TLL1: variants seen among roughly 807,000 people sequenced by gnomAD.
The protein encoded by TLL1 is tolloid-like protein 1.
In TLL1, 49 loss-of-function variants were observed where a neutral mutation model predicts 128.2. That is an observed-to-expected ratio of 0.38 (90% CI 0.30 to 0.48). TLL1 has a LOEUF of 0.48. Ranked by LOEUF, TLL1 falls within the 20% of genes least tolerant of loss-of-function variation. TLL1 has a pLI of 0.96. For synonymous variants in TLL1, 454 were observed against 418.8 expected (o/e 1.08, Z -1.03); for missense variants, 1,123 against 1,242.0 (o/e 0.90, Z 1.44).
chr4:165,889,246 T>C (rs1249515904), intron 1 of TLL1, among the ~76,000 whole-genome samples: 1 of 152,200 alleles, frequency 6.6e-6, no homozygotes, highest in Non-Finnish European at 1.5e-5. Context: ...AACTCATTTA[T>C]CGTTATATAT....
At chr4:166,016,252 G>A (rs1242113342) in intron 8 of TLL1, among the ~76,000 whole-genome samples, 1 of 151,956 alleles carries the variant, frequency 6.6e-6, no homozygotes, top group African/African-American at 2.4e-5. Context: ...TATGAAAAAA[G>A]ATATGGGTGA....
chr4:166,076,933 C>G (rs1231568566), intron 17 of TLL1, among the ~76,000 whole-genome samples: 2 of 152,176 alleles, frequency 1.3e-5, no homozygotes, highest in Admixed American at 1.3e-4. Context: ...AGCAGGTGCA[C>G]TAACTAATGT....
At chr4:165,915,667 G>T (rs1364602513) in intron 1 of TLL1, among the ~76,000 whole-genome samples, 2 of 152,118 alleles carry the variant, frequency 1.3e-5, no homozygotes, top group Non-Finnish European at 2.9e-5. Context: ...TTCCCTGGAG[G>T]GGCTTTGTTT....
In TLL1 at chr4:165,931,718, C is replaced by CAAAAAAAAAAAA. The variant is rs761214388; in HGVS notation, c.169+57649_169+57650insAAAAAAAAAAAA. On this transcript the variant is annotated intron_variant, in intron 1 of 20. Transcript: ENST00000061240. ...TGGGCGACAGAGTAAGACTCTGTCTCAAAAGAAAAAAAAAAGAAATTGCAA... is the reference window on the plus strand; with the variant it reads ...TGGGCGACAGAGTAAGACTCTGTCTCAAAAAAAAAAAAAAAAGAAAAAAAAAAGAAATTGCAA... Among the ~76,000 whole-genome samples, 17 of 133,480 alleles carry CAAAAAAAAAAAA rather than the reference C, an allele frequency of 1.3e-4. 2 individuals carry two copies. The highest frequency in any genetic ancestry group is 1.7e-4 in the African/African-American group (6 of 35,696). 87.6% of individuals were successfully genotyped at this position (133,480 alleles called of 152,430 possible). A position where few individuals can be genotyped will look rare whatever the true frequency, so the allele number is the denominator to read the frequency against.
At chr4:165,879,002 G>A (rs1730857316) in intron 1 of TLL1, among the ~76,000 whole-genome samples, 2 of 126,110 alleles carry the variant, frequency 1.6e-5, no homozygotes, top group African/African-American at 5.9e-5. Flanking sequence ...GCACAATCTT[G>A]GCTCACAGCC....
chr4:166,038,365 A>G (rs1739093653), intron 9 of TLL1, among the ~76,000 whole-genome samples: 1 of 152,066 alleles, frequency 6.6e-6, no homozygotes, highest in Non-Finnish European at 1.5e-5. Flanking sequence ...CATTTGGAAT[A>G]CTCAACATTT....
chr4:166,077,820 C>A, intron 17 of TLL1, 83 bp from the exon 18 acceptor site: 1 of 1,588,256 alleles, frequency 6.3e-7, no homozygotes, highest in Non-Finnish European at 8.6e-7. Context: ...TTCAACAGGG[C>A]AGTGGGTAAA....
rs1264740915 is a variant in TLL1, at chr4:166,060,070, C to A, written c.1889C>A (p.Thr630Asn). The A allele has an allele frequency of 2.5e-6, 4 of 1,613,616 alleles. No homozygotes were observed. The highest frequency in any genetic ancestry group is 1.7e-5 in the Admixed American group (1 of 59,944). ...CTTACCAAACTTAACGGCACCATAA[C>A]CACCCCTGGCTGGCCCAAGGAGTAC... ...GLLTKLNGTI[T>N]TPGWPKEYPP... is the part of the protein sequence containing the mutation. Residue 630 changes from threonine (T) to asparagine (N), a missense_variant, in exon 15 of 21, where the codon ACC becomes AAC. Transcript: ENST00000061240.
chr4:165,915,862 C>T (rs1198176644), intron 1 of TLL1, among the ~76,000 whole-genome samples: 5 of 152,074 alleles, frequency 3.3e-5, no homozygotes, highest in African/African-American at 1.2e-4. Flanking sequence ...AAGCTCATTC[C>T]AGTTTGTGAC....
chr4:165,949,015 T>C (rs1734387808), intron 1 of TLL1, among the ~76,000 whole-genome samples: 1 of 152,134 alleles, frequency 6.6e-6, no homozygotes, highest in Non-Finnish European at 1.5e-5. Flanking sequence ...AATCACCTGA[T>C]ATTAAAATAG....
chr4:166,069,266 A>G (rs958562336), intron 16 of TLL1, among the ~76,000 whole-genome samples: 1 of 151,766 alleles, frequency 6.6e-6, no homozygotes, highest in Non-Finnish European at 1.5e-5. Flanking sequence ...TATTTTATAG[A>G]CACATAGTCT....
intron 18 of TLL1, among the ~76,000 whole-genome samples, chr4:166,085,905 C>T (rs773866375): frequency 4.6e-5 from 7 of 152,088 alleles, no homozygotes; most frequent in Non-Finnish European, 8.8e-5. Flanking sequence ...GCCTACTGTA[C>T]TTTCTAATCC....
intron 8 of TLL1, among the ~76,000 whole-genome samples, chr4:166,020,271 T>C (rs1738160201): frequency 6.6e-6 from 1 of 152,208 alleles, no homozygotes; most frequent in South Asian, 2.1e-4. Context: ...GCATAAGGCA[T>C]TTTAAAGGAC....
chr4:166,058,243 T>C (rs1740122758), intron 14 of TLL1, among the ~76,000 whole-genome samples: 1 of 152,154 alleles, frequency 6.6e-6, no homozygotes, highest in South Asian at 2.1e-4. Context: ...TCCACCCATC[T>C]ATATATCTAT....
intron 12 of TLL1, among the ~76,000 whole-genome samples, chr4:166,050,510 A>G (rs2111104326): frequency 6.6e-6 from 1 of 152,204 alleles, no homozygotes; most frequent in Non-Finnish European, 1.5e-5. Flanking sequence ...TTTTTTAGGG[A>G]GCATGGGATA....
intron 6 of TLL1, among the ~76,000 whole-genome samples, chr4:166,004,630 A>C (rs1323673863): frequency 6.6e-6 from 1 of 152,146 alleles, no homozygotes; most frequent in Non-Finnish European, 1.5e-5. Context: ...GAAGTAAAGC[A>C]GAAGTATTTC....
At chr4:165,964,380 T>C (rs993062011) in intron 1 of TLL1, among the ~76,000 whole-genome samples, 1 of 152,206 alleles carries the variant, frequency 6.6e-6, no homozygotes, top group Non-Finnish European at 1.5e-5. Flanking sequence ...GAGAGCAACA[T>C]TGTAATGTAC....
intron 1 of TLL1, among the ~76,000 whole-genome samples, chr4:165,887,138 T>G (rs563989323): frequency 6.6e-6 from 1 of 152,322 alleles, no homozygotes; most frequent in South Asian, 2.1e-4. Context: ...CTTGATCCTG[T>G]TGGCAATGAG....
At chr4:166,061,515 G>T (rs922557615) in intron 15 of TLL1, among the ~76,000 whole-genome samples, 1 of 152,038 alleles carries the variant, frequency 6.6e-6, no homozygotes, top group Non-Finnish European at 1.5e-5. Context: ...GAAGTGCTGG[G>T]ATTACAGGCA....
Sources: gnomAD v4.1 joint callset for allele counts (sites outside exome capture counted in the v4.1 genomes callset) on GRCh38, gnomAD v4.1.1 for gene constraint, MANE v1.5 for transcripts, NCBI Gene and HGNC (gene_info 2026-07-23, HGNC 2026-07-21) for gene names.